Variants in VIPR2 observed in about 807,000 individuals in gnomAD.
VIPR2 encodes vasoactive intestinal polypeptide receptor 2.
Under a neutral mutation model 58.0 loss-of-function variants are expected in VIPR2, and 48 were observed. The observed-to-expected ratio is 0.83, with a 90% CI of 0.66 to 1.05. VIPR2 has a LOEUF of 1.05. Among genes scored for constraint, VIPR2 ranks in the 50% least tolerant of loss-of-function variants. The pLI, the probability that VIPR2 is intolerant of heterozygous loss-of-function variation, is 0.00. For missense variants in VIPR2, 534 were observed against 558.0 expected (o/e 0.96, Z 0.43); for synonymous variants, 243 against 235.2 (o/e 1.03, Z -0.30).
At chr7:159,034,192 C>T (rs1245654212) in intron 10 of VIPR2, 21 bp downstream of exon 10, 16 of 1,612,700 alleles carry the variant, frequency 9.9e-6, no homozygotes, top group African/African-American at 2.7e-5. Context: ...CAGGGACGGC[C>T]AGGCCGGGAC....
At chr7:159,036,265 G>A (rs1853947372) in intron 7 of VIPR2, among the ~76,000 whole-genome samples, 1 of 152,204 alleles carries the variant, frequency 6.6e-6, no homozygotes, top group African/African-American at 2.4e-5. Context: ...TATTACTGGA[G>A]GCCATGGAGT....
At chr7:159,100,066 G>A (rs868656651) in intron 4 of VIPR2, among the ~76,000 whole-genome samples, 3 of 152,284 alleles carry the variant, frequency 2.0e-5, no homozygotes, top group Middle Eastern at 3.4e-3. Context: ...GGGGGACAGC[G>A]CATCTTAGAC....
At chr7:159,103,046 A>G (rs1203043068) in intron 4 of VIPR2, among the ~76,000 whole-genome samples, 1 of 152,218 alleles carries the variant, frequency 6.6e-6, no homozygotes, top group East Asian at 1.9e-4. Context: ...CAGCTGTCTG[A>G]GGCAGAGCTG....
rs1252903617 is a variant in VIPR2 at position 159,028,578 on chromosome 7, CTT to C, written c.*2036_*2037del. 3.3e-5 allele frequency: 5 copies of C among 152,398 alleles called. No homozygotes were observed. The highest frequency in any genetic ancestry group is 1.2e-4 in the African/African-American group (5 of 41,476). 9.4% of individuals were successfully genotyped at this position (152,398 alleles called of 1,614,324 possible). On this transcript the variant is annotated 3_prime_UTR_variant, in exon 13 of 13. Coordinates refer to ENST00000262178, the MANE Select transcript of VIPR2 (RefSeq NM_003382.5). ...CCCAACACCTTCAGTTACCACAAATCTTTGTTTCCTCAAAAACCTGAGAGTAG... is the reference window on the plus strand; with the variant it reads ...CCCAACACCTTCAGTTACCACAAATCTGTTTCCTCAAAAACCTGAGAGTAG...
At chr7:159,132,595 G>A (rs777765419) in intron 2 of VIPR2, among the ~76,000 whole-genome samples, 3 of 152,262 alleles carry the variant, frequency 2.0e-5, no homozygotes, top group Non-Finnish European at 4.4e-5. Flanking sequence ...CCCAGAGCCC[G>A]TGCCTTTCTG....
rs547418694 is a variant in VIPR2, at chr7:159,058,534, G to A, written c.402C>T (p.Tyr134=). Residue 134 remains tyrosine (Y), a synonymous_variant, in exon 5 of 13, where the codon TAC becomes TAT. Coordinates refer to ENST00000262178, the MANE Select transcript of VIPR2 (RefSeq NM_003382.5). ...ILVKAIYTLG[Y]SVSLMSLATG... is the part of the protein sequence containing the mutation. ...TTGCAAGAGACATCAGAGAGACACT[G>A]TAGCCCAGTGTATAAATGGCCTTCA... The A allele has an allele frequency of 1.1e-5, 18 of 1,613,556 alleles. No homozygotes were observed. Among genetic ancestry groups the A allele is most frequent in the Admixed American group, 6.7e-5 (4 of 60,020 alleles).
chr7:159,051,330 G>A (rs1178554791), intron 5 of VIPR2, among the ~76,000 whole-genome samples: 1 of 152,196 alleles, frequency 6.6e-6, no homozygotes, highest in Non-Finnish European at 1.5e-5. Context: ...CTGGAAAGTG[G>A]TAAAAGTAGT....
chr7:159,119,254 C>T (rs3793236), intron 2 of VIPR2, among the ~76,000 whole-genome samples: 1,696 of 152,302 alleles, frequency 0.011, 13 homozygotes, highest in African/African-American at 0.018. Flanking sequence ...CAGCTCCTGG[C>T]TGCCCCTGAG....
intron 2 of VIPR2, among the ~76,000 whole-genome samples, chr7:159,121,537 C>T (rs976190663): frequency 2.6e-5 from 4 of 152,272 alleles, no homozygotes; most frequent in Admixed American, 6.5e-5. Flanking sequence ...ACAGAAGTTA[C>T]GTATGATTTC....
chr7:159,066,329 T>C (rs1474749349), intron 4 of VIPR2, among the ~76,000 whole-genome samples: 1 of 147,892 alleles, frequency 6.8e-6, no homozygotes, highest in African/African-American at 2.5e-5. Context: ...GATGCCTGCT[T>C]CCACAACGTC....
At chr7:159,063,858 G>GA in intron 4 of VIPR2, among the ~76,000 whole-genome samples, 1 of 110,440 alleles carries the variant, frequency 9.1e-6, no homozygotes, top group Non-Finnish European at 1.9e-5. Context: ...GGGCCTGGTG[G>GA]GTTCCGGGGG....
intron 4 of VIPR2, among the ~76,000 whole-genome samples, chr7:159,063,089 G>A (rs965186057): frequency 6.6e-6 from 1 of 152,238 alleles, no homozygotes; most frequent in African/African-American, 2.4e-5. Flanking sequence ...TTCACCTAGT[G>A]TATCCTGCAC....
At position 159,031,880 on chromosome 7, in the gene VIPR2, A is replaced by T; in HGVS notation, c.1102-11T>A. The T allele has an allele frequency of 1.2e-6, 2 of 1,614,050 alleles. No homozygotes were observed. The highest frequency in any genetic ancestry group is 1.7e-6 in the Non-Finnish European group (2 of 1,180,016). ...GGCCACCACCAGGCCCTGCAATGAG[A>T]AGAGATGGTCAGGCAGGACCCGCGC... On this transcript the variant is annotated splice_polypyrimidine_tract_variant and intron_variant, in intron 11 of 12. Transcript: ENST00000262178. The surrounding 1 kb of genome is among the most constrained non-coding windows in gnomAD (Gnocchi z 4.0).
rs1857915252 is a variant in VIPR2, at chr7:159,097,231, G to T, written c.357+6526C>A. On this transcript the variant is annotated intron_variant, in intron 4 of 12. Coordinates refer to ENST00000262178, the MANE Select transcript of VIPR2 (RefSeq NM_003382.5). The surrounding 1 kb of genome is among the most constrained non-coding windows in gnomAD (Gnocchi z 5.3). ...CCATCAGTGGGAACGAGTCACTGCG[G>T]TGGCCTGAGTGCTGGAGGAGGGCAG... is the stretch of plus-strand genomic sequence containing the variant. 1 of 1,409,068 alleles carries T rather than the reference G, an allele frequency of 7.1e-7. No homozygotes were observed. Among genetic ancestry groups the T allele is most frequent in the Non-Finnish European group, 9.3e-7 (1 of 1,080,352 alleles). The allele number at this position is 1,409,068 out of a possible 1,614,324, so 87.3% of individuals were successfully genotyped here. A position where few individuals can be genotyped will look rare whatever the true frequency, so the allele number is the denominator to read the frequency against.
intron 4 of VIPR2, among the ~76,000 whole-genome samples, chr7:159,070,954 G>A (rs1856357250): frequency 2.0e-5 from 3 of 152,318 alleles, no homozygotes; most frequent in South Asian, 4.1e-4. Context: ...AGCAGCACAC[G>A]AAACGGCACG....
intron 3 of VIPR2, among the ~76,000 whole-genome samples, chr7:159,104,238 T>C (rs751059475): frequency 1.3e-5 from 2 of 152,020 alleles, no homozygotes; most frequent in Non-Finnish European, 2.9e-5. Context: ...CCCCAGTTCC[T>C]GACAGCACCC....
At chr7:159,117,444 T>C (rs752624596) in intron 2 of VIPR2, 1 of 717,172 alleles carries the variant, frequency 1.4e-6, no homozygotes, top group South Asian at 1.5e-5. Flanking sequence ...ACATGAAACA[T>C]AGTGCCGCAC....
chr7:159,062,556 A>C lies in VIPR2; in HGVS notation c.358-3978T>G, dbSNP rs1003910882. Among the ~76,000 whole-genome samples the C allele has an allele frequency of 4.0e-5, 6 of 151,660 alleles. No homozygotes were observed. In the South Asian group the frequency reaches 6.3e-4, roughly 16 times the overall value. ...TTGTTCATTCCTCCCGCCCAGAGTTACTTATTCCTCCCGGTGGGTTTGTGG... is the reference window on the plus strand; with the variant it reads ...TTGTTCATTCCTCCCGCCCAGAGTTCCTTATTCCTCCCGGTGGGTTTGTGG... On this transcript the variant is annotated intron_variant, in intron 4 of 12. Coordinates refer to ENST00000262178, the MANE Select transcript of VIPR2 (RefSeq NM_003382.5).
chr7:159,107,397 G>A (rs1043014404), intron 3 of VIPR2, among the ~76,000 whole-genome samples: 3 of 152,238 alleles, frequency 2.0e-5, no homozygotes, highest in African/African-American at 7.2e-5. Flanking sequence ...TGTCCTCCCA[G>A]TGATGAGTCC....
Sources: allele counts gnomAD v4.1 joint callset (sites outside exome capture counted in the v4.1 genomes callset), GRCh38; gene constraint gnomAD v4.1.1; non-coding constraint Gnocchi (gnomAD v3.1); transcripts MANE v1.5; gene names NCBI Gene and HGNC (gene_info 2026-07-23, HGNC 2026-07-21).